The following THSD7B variants were observed in gnomAD, a reference collection of about 807,000 sequenced individuals.
THSD7B encodes the protein thrombospondin type-1 domain-containing protein 7B.
In THSD7B, 138 loss-of-function variants were observed where a neutral mutation model predicts 213.6. That is an observed-to-expected ratio of 0.65 (90% CI 0.56 to 0.74). The LOEUF (loss-of-function observed/expected upper bound fraction) is 0.74, where lower values mean the gene tolerates loss of function less well. THSD7B is among the 30% of genes least tolerant of loss of function. The probability of loss-of-function intolerance (pLI) is 0.00; values close to 1 mark genes in which losing one functional copy is unlikely to be tolerated. For synonymous variants in THSD7B, 742 were observed against 687.0 expected, an observed-to-expected ratio of 1.08 and a Z score of -1.25; for missense variants, 1,931 against 1,991.5, an observed-to-expected ratio of 0.97 and a Z score of 0.58.
intron 17 of THSD7B, among the ~76,000 whole-genome samples, chr2:137,575,873 T>A (rs1681450759): frequency 6.6e-6 from 1 of 152,042 alleles, no homozygotes; most frequent in Admixed American, 6.6e-5. Flanking sequence ...TGTTTATACA[T>A]GTATGTAAGT....
intron 12 of THSD7B, among the ~76,000 whole-genome samples, chr2:137,328,799 G>C (rs1684427934): frequency 6.6e-6 from 1 of 152,090 alleles, no homozygotes; most frequent in Non-Finnish European, 1.5e-5. Flanking sequence ...GAGATCTGAT[G>C]GTTTTATAAG....
At chr2:137,586,881 C>T (rs1036163840) in intron 17 of THSD7B, among the ~76,000 whole-genome samples, 5 of 152,174 alleles carry the variant, frequency 3.3e-5, no homozygotes, top group South Asian at 4.1e-4. Context: ...GAATGTTGGC[C>T]TGCCTTGCTA....
At chr2:137,113,207 C>T (rs1688382685) in intron 4 of THSD7B, among the ~76,000 whole-genome samples, 1 of 152,048 alleles carries the variant, frequency 6.6e-6, no homozygotes, top group South Asian at 2.1e-4. Context: ...TTTCATTTTG[C>T]CCTGGATGAA....
intron 17 of THSD7B, among the ~76,000 whole-genome samples, chr2:137,602,265 G>A (rs1265599538): frequency 6.6e-6 from 1 of 151,972 alleles, no homozygotes; most frequent in East Asian, 1.9e-4. Context: ...TTTTGTTTTT[G>A]TTTTTGTTTT....
At chr2:137,022,681 G>A (rs1458984258) in intron 2 of THSD7B, among the ~76,000 whole-genome samples, 1 of 151,844 alleles carries the variant, frequency 6.6e-6, no homozygotes, top group Non-Finnish European at 1.5e-5. Flanking sequence ...AGATGGTCTG[G>A]TAGATCACAC....
chr2:137,531,133 A>G, intron 15 of THSD7B, among the ~76,000 whole-genome samples: 1 of 152,124 alleles, frequency 6.6e-6, no homozygotes, highest in Non-Finnish European at 1.5e-5. Context: ...TAGTAGGGAT[A>G]ATATAAGCAT....
chr2:137,284,039 G>T (rs184670355), intron 12 of THSD7B, among the ~76,000 whole-genome samples: 14,682 of 151,998 alleles, frequency 0.097, 860 homozygotes, highest in Non-Finnish European at 0.13. Context: ...TGGACTTTTT[G>T]TGGTTGGTAA....
intron 15 of THSD7B, among the ~76,000 whole-genome samples, chr2:137,462,570 A>C (rs1687905785): frequency 6.6e-6 from 1 of 152,028 alleles, no homozygotes; most frequent in Non-Finnish European, 1.5e-5. Context: ...AAAACAAAAT[A>C]AAACAAACAA....
chr2:137,170,063 C>A (rs1465031839), intron 6 of THSD7B, among the ~76,000 whole-genome samples: 1 of 152,092 alleles, frequency 6.6e-6, no homozygotes, highest in African/African-American at 2.4e-5. Context: ...TGTTGATTTG[C>A]ATTTGTGACT....
intron 14 of THSD7B, among the ~76,000 whole-genome samples, chr2:137,417,454 T>G (rs1254845982): frequency 6.6e-6 from 1 of 152,156 alleles, no homozygotes; most frequent in Non-Finnish European, 1.5e-5. Flanking sequence ...TTTTACTTTA[T>G]TTTTGAGACA....
At chr2:137,501,973 G>C (rs761368586) in intron 15 of THSD7B, among the ~76,000 whole-genome samples, 2 of 152,174 alleles carry the variant, frequency 1.3e-5, no homozygotes, top group Non-Finnish European at 2.9e-5. Flanking sequence ...AGGATTAAAT[G>C]GGTACTGATG....
Position 137,260,955 on chromosome 2 carries a change from C to G in THSD7B, c.2267-11578C>G, listed in dbSNP as rs1365033277. Among the ~76,000 whole-genome samples the G allele has an allele frequency of 2.0e-5, 3 of 152,102 alleles. No individual in the cohort carries two copies. In the East Asian group the frequency reaches 5.8e-4, roughly 29 times the overall value. ...TCAACGATTATTTACTAATGCCTAC[C>G]AGGTTTATTTTATTTTATTTTTATT... On this transcript the variant is annotated intron_variant, in intron 10 of 27. Transcript: ENST00000409968.
intron 14 of THSD7B, among the ~76,000 whole-genome samples, chr2:137,418,236 C>A (rs576952806): frequency 6.6e-6 from 1 of 152,290 alleles, no homozygotes; most frequent in African/African-American, 2.4e-5. Flanking sequence ...AGATTCACTG[C>A]AGTGGTGGCC....
At chr2:137,550,558 G>A (rs1043998706) in intron 15 of THSD7B, among the ~76,000 whole-genome samples, 1 of 152,108 alleles carries the variant, frequency 6.6e-6, no homozygotes, top group African/African-American at 2.4e-5. Context: ...TGGTCTTTGA[G>A]ACAAGGGCTT....
intron 15 of THSD7B, among the ~76,000 whole-genome samples, chr2:137,490,209 G>C (rs1688574010): frequency 6.6e-6 from 1 of 152,112 alleles, no homozygotes; most frequent in Admixed American, 6.5e-5. Flanking sequence ...TCTCAAATAA[G>C]AGCAAGCGAC....
At chr2:137,427,674 C>A (rs1295601095) in intron 14 of THSD7B, among the ~76,000 whole-genome samples, 1 of 151,962 alleles carries the variant, frequency 6.6e-6, no homozygotes, top group Non-Finnish European at 1.5e-5. Flanking sequence ...CTGGTGGTTA[C>A]CAAGGGTTGG....
intron 26 of THSD7B, among the ~76,000 whole-genome samples, chr2:137,666,547 A>C (rs1203357753): frequency 7.2e-5 from 8 of 110,462 alleles, no homozygotes; most frequent in South Asian, 3.2e-4. Context: ...TCCCCCCCCC[A>C]TAGAAGCTTT....
intron 10 of THSD7B, among the ~76,000 whole-genome samples, chr2:137,270,054 A>G (rs1682697100): frequency 6.6e-6 from 1 of 152,186 alleles, no homozygotes. Flanking sequence ...CATAAAGTTG[A>G]TGGAGGGAGA....
At chr2:137,306,078 A>G (rs1364311212) in intron 12 of THSD7B, among the ~76,000 whole-genome samples, 1 of 152,162 alleles carries the variant, frequency 6.6e-6, no homozygotes, top group Non-Finnish European at 1.5e-5. Flanking sequence ...TGGGTGAATC[A>G]GTGAATGAGT....
Sources: gnomAD v4.1 joint callset for allele counts (sites outside exome capture counted in the v4.1 genomes callset) on GRCh38, gnomAD v4.1.1 for gene constraint, MANE v1.5 for transcripts, NCBI Gene and HGNC (gene_info 2026-07-23, HGNC 2026-07-21) for gene names.